The following PRKD1 variants were observed in gnomAD, a reference collection of about 807,000 sequenced individuals.
The protein encoded by PRKD1 is serine/threonine-protein kinase D1.
Under a neutral mutation model 95.9 loss-of-function variants are expected in PRKD1, and 63 were observed. That is an observed-to-expected ratio of 0.66 (90% confidence interval 0.54 to 0.81). PRKD1 has a LOEUF of 0.81. PRKD1 is among the 30% of genes least tolerant of loss of function. The probability of loss-of-function intolerance (pLI) is 0.00; values close to 1 mark genes in which losing one functional copy is unlikely to be tolerated. For missense variants in PRKD1, 1,048 were observed against 1,165.3 expected (o/e 0.90, Z 1.47); for synonymous variants, 425 against 423.1 (o/e 1.00, Z -0.05).
intron 13 of PRKD1, among the ~76,000 whole-genome samples, chr14:29,600,557 C>A (rs969915745): frequency 6.6e-6 from 1 of 152,030 alleles, no homozygotes; most frequent in East Asian, 1.9e-4. Flanking sequence ...TTGAAAATAC[C>A]GTGTTCACCG....
chr14:29,602,940 C>T (rs964290796), intron 13 of PRKD1, among the ~76,000 whole-genome samples: 4 of 152,122 alleles, frequency 2.6e-5, no homozygotes, highest in African/African-American at 4.8e-5. Context: ...CCATGTTCAC[C>T]GTCAGCTCTG....
chr14:29,899,727 T>A (rs1456843270), intron 1 of PRKD1, among the ~76,000 whole-genome samples: 3 of 152,254 alleles, frequency 2.0e-5, no homozygotes, highest in Non-Finnish European at 2.9e-5. Context: ...AGTAATGTTA[T>A]TAATGAATGT....
chr14:29,656,442 C>G, intron 4 of PRKD1: 1 of 1,517,382 alleles, frequency 6.6e-7, no homozygotes. Flanking sequence ...GACAGTGAAG[C>G]AAATTTCTAG....
chr14:29,900,199 T>C (rs540467506), intron 1 of PRKD1, among the ~76,000 whole-genome samples: 35 of 152,206 alleles, frequency 2.3e-4, no homozygotes, highest in Non-Finnish European at 4.9e-4. Context: ...CAATCCTAAA[T>C]GTCTACTGCA....
intron 1 of PRKD1, among the ~76,000 whole-genome samples, chr14:29,763,506 A>G (rs1013115543): frequency 2.9e-5 from 4 of 140,048 alleles, no homozygotes; most frequent in African/African-American, 7.9e-5. Flanking sequence ...AGGGAAGGGT[A>G]AACACAGAAA....
At chr14:29,911,201 T>C (rs376698533) in intron 1 of PRKD1, among the ~76,000 whole-genome samples, 2 of 152,204 alleles carry the variant, frequency 1.3e-5, no homozygotes, top group Non-Finnish European at 2.9e-5. Context: ...AAGCAGGTGA[T>C]TGAAGTATTT....
At chr14:29,596,708 T>C (rs1453308802) in intron 16 of PRKD1, among the ~76,000 whole-genome samples, 2 of 152,174 alleles carry the variant, frequency 1.3e-5, no homozygotes, top group African/African-American at 2.4e-5. Flanking sequence ...ACTTGAAATA[T>C]AGCCATCATA....
intron 11 of PRKD1, among the ~76,000 whole-genome samples, chr14:29,627,522 T>C (rs1240710981): frequency 6.6e-6 from 1 of 152,204 alleles, no homozygotes; most frequent in Admixed American, 6.5e-5. Context: ...TTTAAATCTA[T>C]GTTTTATTGT....
chr14:29,770,797 T>C (rs1176399302), intron 1 of PRKD1, among the ~76,000 whole-genome samples: 1 of 151,756 alleles, frequency 6.6e-6, no homozygotes, highest in Admixed American at 6.6e-5. Flanking sequence ...TGAGACCTTG[T>C]CTCTACAAAA....
Position 29,626,559 on chromosome 14 carries a change from A to G in PRKD1, c.1726-3T>C. 1 of 1,601,486 alleles carries G rather than the reference A, an allele frequency of 6.2e-7. No homozygotes were observed. Among genetic ancestry groups the G allele is most frequent in the Non-Finnish European group, 8.5e-7 (1 of 1,173,532 alleles). On this transcript the variant is annotated splice_region_variant and splice_polypyrimidine_tract_variant and intron_variant, in intron 11 of 17. Coordinates refer to ENST00000331968, the MANE Select transcript of PRKD1 (RefSeq NM_002742.3). ...ATCTGATATACTGTGCTGATGTCCT[A>G]GAGGTACAAGCCCAATGAAAAAAAA... is the stretch of plus-strand genomic sequence containing the variant.
chr14:29,927,341 T>A lies in PRKD1; in HGVS notation c.172A>T (p.Ser58Cys), dbSNP rs1368065188. ...GISFHLQIGL[S>C]REPVLLLQDS... The stretch of plus-strand genomic sequence containing the variant: ...TGCAGCAGCAGCACCGGCTCACGGC[T>A]CAGGCCGATCTGCAGATGGAACGAG... The change falls in exon 1 of 18, where the codon AGC (serine) becomes TGC (cysteine). Residue 58 changes from serine (S) to cysteine (C), a missense_variant. This residue lies in a region of PRKD1 where 275 missense variants were observed against 248.6 expected (regional missense o/e 1.11). Coordinates refer to ENST00000331968, the MANE Select transcript of PRKD1 (RefSeq NM_002742.3). 1 of 1,565,710 alleles carries A rather than the reference T, an allele frequency of 6.4e-7. No individual in the cohort carries two copies. Among genetic ancestry groups the A allele is most frequent in the Non-Finnish European group, 8.6e-7 (1 of 1,158,038 alleles).
intron 1 of PRKD1, among the ~76,000 whole-genome samples, chr14:29,887,030 A>G (rs753741423): frequency 6.6e-6 from 1 of 152,206 alleles, no homozygotes; most frequent in Non-Finnish European, 1.5e-5. Context: ...GTAGCTGCAA[A>G]TGGTGTGGAT....
At chr14:29,641,793 G>A (rs1261393304) in intron 4 of PRKD1, among the ~76,000 whole-genome samples, 5 of 151,828 alleles carry the variant, frequency 3.3e-5, no homozygotes, top group Non-Finnish European at 5.9e-5. Context: ...TATGGAATAA[G>A]GCCATGACCC....
chr14:29,875,726 T>C (rs1442355222), intron 1 of PRKD1, among the ~76,000 whole-genome samples: 1 of 152,240 alleles, frequency 6.6e-6, no homozygotes, highest in African/African-American at 2.4e-5. Flanking sequence ...AGGAGATGTA[T>C]TAAAAAGGCT....
At chr14:29,732,084 G>T (rs1886468751) in intron 1 of PRKD1, among the ~76,000 whole-genome samples, 1 of 151,998 alleles carries the variant, frequency 6.6e-6, no homozygotes, top group African/African-American at 2.4e-5. Flanking sequence ...TGTTGGCCAG[G>T]CTGGTCTCGA....
intron 15 of PRKD1, 66 bp downstream of exon 15, chr14:29,598,959 CAA>C: frequency 7.9e-7 from 1 of 1,271,250 alleles, no homozygotes; most frequent in South Asian, 1.3e-5. Context: ...TGGAAGGTGA[CAA>C]GATGCTACAT....
At chr14:29,781,459 G>C (rs1414678191) in intron 1 of PRKD1, among the ~76,000 whole-genome samples, 1 of 152,092 alleles carries the variant, frequency 6.6e-6, no homozygotes, top group Non-Finnish European at 1.5e-5. Flanking sequence ...CATCAGTTCA[G>C]CTACCACTGC....
At chr14:29,876,045 CAGG>C (rs1025723814) in intron 1 of PRKD1, among the ~76,000 whole-genome samples, 1 of 152,172 alleles carries the variant, frequency 6.6e-6, no homozygotes, top group African/African-American at 2.4e-5. Flanking sequence ...TGACTTGTTA[CAGG>C]AGAAGAACCC....
intron 3 of PRKD1, 52 bp from the exon 4 acceptor site, chr14:29,663,911 A>T (rs746312244): frequency 2.3e-5 from 36 of 1,547,308 alleles, no homozygotes; most frequent in Non-Finnish European, 2.0e-5. Context: ...TTAAAAAGTG[A>T]TTCCAATATT....
Sources: allele counts gnomAD v4.1 joint callset (sites outside exome capture counted in the v4.1 genomes callset), GRCh38; gene constraint gnomAD v4.1.1; regional missense constraint gnomAD v4.1.1; transcripts MANE v1.5; gene names NCBI Gene and HGNC (gene_info 2026-07-23, HGNC 2026-07-21).